Variants in VPS13C observed in about 807,000 individuals in gnomAD.
The protein encoded by VPS13C is intermembrane lipid transfer protein VPS13C.
Under a neutral mutation model 456.8 loss-of-function variants are expected in VPS13C, and 358 were observed. The ratio of observed to expected loss-of-function variants is 0.78; its 90% CI spans 0.72 to 0.86. The LOEUF (loss-of-function observed/expected upper bound fraction) is 0.86, where lower values mean the gene tolerates loss of function less well. Ranked by LOEUF, VPS13C falls within the 40% of genes least tolerant of loss-of-function variation. VPS13C has a pLI of 0.00. For missense variants in VPS13C, 4,818 were observed against 4,385.4 expected, an observed-to-expected ratio of 1.10 and a Z score of -2.79; for synonymous variants, 1,578 against 1,486.7, an observed-to-expected ratio of 1.06 and a Z score of -1.41.
At chr15:61,982,351 T>C (rs1271839653) in intron 21 of VPS13C, 108 bp downstream of exon 21, 1 of 795,956 alleles carries the variant, frequency 1.3e-6, no homozygotes, top group Non-Finnish European at 1.9e-6. Context: ...AGCCTGAGTT[T>C]AAAATAAAGA....
intron 32 of VPS13C, among the ~76,000 whole-genome samples, chr15:61,963,329 A>T (rs746408277): frequency 6.6e-6 from 1 of 152,110 alleles, no homozygotes; most frequent in Non-Finnish European, 1.5e-5. Flanking sequence ...AAAGTAAGCC[A>T]GAGGAAAAGC....
At chr15:61,955,220 T>A (rs1457309439) in intron 37 of VPS13C, among the ~76,000 whole-genome samples, 1 of 152,142 alleles carries the variant, frequency 6.6e-6, no homozygotes, top group Non-Finnish European at 1.5e-5. Context: ...TGTTCTAAGG[T>A]CTGTATATGG....
At chr15:61,901,375 A>AAT (rs2042990395) in intron 66 of VPS13C, among the ~76,000 whole-genome samples, 1 of 152,142 alleles carries the variant, frequency 6.6e-6, no homozygotes, top group Admixed American at 6.5e-5. Flanking sequence ...ACAAAGGGCT[A>AAT]ATATCCAGAA....
intron 9 of VPS13C, 85 bp downstream of exon 9, chr15:62,020,394 A>C: frequency 8.7e-7 from 1 of 1,153,138 alleles, no homozygotes; most frequent in South Asian, 1.8e-5. Flanking sequence ...TCTTTGTCGC[A>C]TAGTTGATTC....
In VPS13C at chr15:61,858,369, TC is replaced by T. The variant is rs1894044225; in HGVS notation, c.10953-1961del. 6.7e-6 allele frequency among the ~76,000 whole-genome samples: 1 copy of T among 150,172 alleles called. No homozygotes were observed. Among genetic ancestry groups the T allele is most frequent in the Non-Finnish European group, 1.5e-5 (1 of 67,844 alleles). On this transcript the variant is annotated intron_variant, in intron 82 of 84. Transcript: ENST00000644861. This position sits in a 1 kb window ranked among gnomAD's most constrained non-coding sequence, Gnocchi z 4.4. ...ATCTATCTATCTATCTATCTGTCTA[TC>T]TATCTCCCTCCCTCCCTATCATGTA...
At chr15:61,891,935 G>A (rs2042665075) in intron 66 of VPS13C, among the ~76,000 whole-genome samples, 1 of 152,140 alleles carries the variant, frequency 6.6e-6, no homozygotes. Flanking sequence ...AAAGCTCCAC[G>A]CAGATGGTAA....
At chr15:61,897,626 T>C (rs1404779947) in intron 66 of VPS13C, among the ~76,000 whole-genome samples, 3 of 152,086 alleles carry the variant, frequency 2.0e-5, no homozygotes, top group Admixed American at 6.6e-5. Flanking sequence ...CTACGTCTGA[T>C]TGGTGTACCT....
intron 1 of VPS13C, among the ~76,000 whole-genome samples, chr15:62,058,170 C>T (rs1263359113): frequency 6.6e-6 from 1 of 152,204 alleles, no homozygotes; most frequent in Non-Finnish European, 1.5e-5. Context: ...CAACACAGCA[C>T]ACCATTCACT....
chr15:61,989,864 C>G (rs1190205072), intron 18 of VPS13C, among the ~76,000 whole-genome samples: 2 of 152,146 alleles, frequency 1.3e-5, no homozygotes, highest in Non-Finnish European at 2.9e-5. Context: ...CATTGGAAAA[C>G]TATTTAATAT....
chr15:62,055,107 C>A (rs2048743197), intron 1 of VPS13C, among the ~76,000 whole-genome samples: 1 of 152,206 alleles, frequency 6.6e-6, no homozygotes, highest in South Asian at 2.1e-4. Context: ...TAAATAAAAT[C>A]TTTAAAGAAC....
chr15:61,991,994 T>C (rs898993761), intron 16 of VPS13C, among the ~76,000 whole-genome samples, 192 bp from the exon 17 acceptor site: 1 of 152,068 alleles, frequency 6.6e-6, no homozygotes, highest in Non-Finnish European at 1.5e-5. Context: ...TATTAATACT[T>C]CTCACACCAA....
intron 55 of VPS13C, among the ~76,000 whole-genome samples, chr15:61,921,661 T>C (rs111519322): frequency 3.3e-5 from 5 of 152,130 alleles, no homozygotes; most frequent in African/African-American, 2.4e-5. Context: ...AACATACACA[T>C]ATATCTCTTT....
rs1411119535 is a variant in VPS13C at position 61,918,399 on chromosome 15, T to C, written c.7639-142A>G. On this transcript the variant is annotated intron_variant, in intron 58 of 84. Transcript: ENST00000644861. ...TATTTTTATTGGCAATTGAAAAATT[T>C]TAGGGTATTTAAGTGCTATATATAT... 4.0e-6 allele frequency: 3 copies of C among 753,470 alleles called. No individual in the cohort carries two copies. In the African/African-American group the frequency reaches 5.5e-5, roughly 14 times the overall value. 46.7% of individuals were successfully genotyped at this position (753,470 alleles called of 1,614,324 possible).
rs773133293 is a variant in VPS13C at position 61,974,449 on chromosome 15, C to T, written c.2409-32G>A. ...ATACAATTCAGTGGTTTTAAGTCAG[C>T]ATCTCTACATTACAAACGAGGGAAA... On this transcript the variant is annotated intron_variant, in intron 24 of 84. Coordinates refer to ENST00000644861, the MANE Select transcript of VPS13C (RefSeq NM_020821.3). 30 of 1,604,110 alleles carry T rather than the reference C, an allele frequency of 1.9e-5. No homozygotes were observed. The Middle Eastern group carries it at 6.7e-4, about 36-fold the overall frequency.
intron 61 of VPS13C, among the ~76,000 whole-genome samples, chr15:61,913,699 T>C (rs77730888): frequency 6.6e-6 from 1 of 152,146 alleles, no homozygotes; most frequent in Non-Finnish European, 1.5e-5. Flanking sequence ...GTATTGTTTT[T>C]AAAAAGAATT....
chr15:61,994,416 T>C (rs372338733), intron 16 of VPS13C, among the ~76,000 whole-genome samples: 1 of 152,192 alleles, frequency 6.6e-6, no homozygotes, highest in East Asian at 1.9e-4. Context: ...AAAATATTCA[T>C]ACTTTCTGAC....
intron 81 of VPS13C, chr15:61,865,034 A>G: frequency 1.0e-6 from 1 of 984,802 alleles, no homozygotes; most frequent in Non-Finnish European, 1.2e-6. Flanking sequence ...TACACTTTAG[A>G]AAACTTGTCT....
chr15:61,862,427 A>T (rs1894276198), intron 82 of VPS13C, among the ~76,000 whole-genome samples: 1 of 152,204 alleles, frequency 6.6e-6, no homozygotes, highest in South Asian at 2.1e-4. Flanking sequence ...ATTACCAATA[A>T]GTATTACCAA....
intron 81 of VPS13C, chr15:61,864,926 A>G: frequency 1.0e-6 from 1 of 978,272 alleles, no homozygotes; most frequent in Non-Finnish European, 1.2e-6. Context: ...AGTACAAGAA[A>G]TACTACCCAC....
Sources: gnomAD v4.1 joint callset for allele counts (sites outside exome capture counted in the v4.1 genomes callset) on GRCh38, gnomAD v4.1.1 for gene constraint, Gnocchi (gnomAD v3.1) non-coding constraint, MANE v1.5 for transcripts, NCBI Gene and HGNC (gene_info 2026-07-23, HGNC 2026-07-21) for gene names.